Variants in SLC25A21 observed in about 807,000 individuals in gnomAD.
SLC25A21 encodes the protein mitochondrial 2-oxodicarboxylate carrier.
SLC25A21 carries 47 observed loss-of-function variants against 43.8 expected under a neutral mutation model. The ratio of observed to expected loss-of-function variants is 1.07; its 90% confidence interval spans 0.85 to 1.37. The LOEUF (loss-of-function observed/expected upper bound fraction) is 1.37, where lower values mean the gene tolerates loss of function less well. Ranked by LOEUF, SLC25A21 falls within the 40% of genes most tolerant of loss-of-function variation. The pLI, the probability that SLC25A21 is intolerant of heterozygous loss-of-function variation, is 0.00. For missense variants in SLC25A21, 352 were observed against 350.2 expected, an observed-to-expected ratio of 1.00 and a Z score of -0.04; for synonymous variants, 131 against 121.3, an observed-to-expected ratio of 1.08 and a Z score of -0.52.
At chr14:36,762,392 T>C (rs1304307499) in intron 3 of SLC25A21, among the ~76,000 whole-genome samples, 1 of 152,216 alleles carries the variant, frequency 6.6e-6, no homozygotes, top group Admixed American at 6.5e-5. Flanking sequence ...GTCACAGTGC[T>C]GCCTTCCACT....
intron 1 of SLC25A21, among the ~76,000 whole-genome samples, chr14:37,156,404 A>G (rs900754801): frequency 6.6e-6 from 1 of 152,110 alleles, no homozygotes; most frequent in African/African-American, 2.4e-5. Context: ...TGACAGGAAC[A>G]AAGCCTCACA....
At chr14:37,072,318 A>G (rs1160244753) in intron 1 of SLC25A21, among the ~76,000 whole-genome samples, 3 of 152,034 alleles carry the variant, frequency 2.0e-5, no homozygotes, top group Non-Finnish European at 4.4e-5. Flanking sequence ...TCTGATTTCC[A>G]CAGAGCCTCA....
chr14:36,962,470 TCTC>T (rs1430058645), intron 1 of SLC25A21, among the ~76,000 whole-genome samples: 2 of 152,100 alleles, frequency 1.3e-5, no homozygotes, highest in East Asian at 1.9e-4. Context: ...ATCTCCCCAG[TCTC>T]CTCATTTCCT....
At chr14:36,759,469 CA>C (rs1347426001) in intron 3 of SLC25A21, among the ~76,000 whole-genome samples, 1 of 152,184 alleles carries the variant, frequency 6.6e-6, no homozygotes, top group African/African-American at 2.4e-5. Context: ...CCTGATTTTA[CA>C]AACTATCCAG....
At chr14:36,982,930 T>C (rs1332217532) in intron 1 of SLC25A21, among the ~76,000 whole-genome samples, 1 of 152,218 alleles carries the variant, frequency 6.6e-6, no homozygotes, top group African/African-American at 2.4e-5. Flanking sequence ...TTGTCCTACT[T>C]TACTTTCCCA....
intron 1 of SLC25A21, among the ~76,000 whole-genome samples, chr14:36,995,576 C>T (rs1220775984): frequency 6.6e-6 from 1 of 152,124 alleles, no homozygotes; most frequent in Admixed American, 6.6e-5. Flanking sequence ...AACACAAAGC[C>T]CACCTACGAT....
intron 1 of SLC25A21, among the ~76,000 whole-genome samples, chr14:37,107,784 C>T (rs35897545): frequency 0.21 from 32,545 of 152,074 alleles, 3,865 homozygotes; most frequent in South Asian, 0.29. Flanking sequence ...TCTCCTATAC[C>T]TATTACATGT....
chr14:36,775,096 T>C lies in SLC25A21; in HGVS notation c.203+38822A>G, dbSNP rs137989052. Reference sequence around the variant, plus strand: ...TCATTCTTATCTTCATGAGATGGTATTCCCTTCACTCAATAGTTGCATATG... The same window carrying C: ...TCATTCTTATCTTCATGAGATGGTACTCCCTTCACTCAATAGTTGCATATG... On this transcript the variant is annotated intron_variant, in intron 3 of 9. Transcript: ENST00000331299. Among the ~76,000 whole-genome samples, 403 of 152,340 alleles carry C rather than the reference T, an allele frequency of 2.6e-3. 1 individual carries two copies. Among genetic ancestry groups the C allele is most frequent in the African/African-American group, 9.4e-3 (392 of 41,578 alleles).
At chr14:36,790,375 T>C (rs370629905) in intron 3 of SLC25A21, among the ~76,000 whole-genome samples, 1 of 152,074 alleles carries the variant, frequency 6.6e-6, no homozygotes, top group Non-Finnish European at 1.5e-5. Context: ...TTATCACTCA[T>C]TCTGCCTTCG....
intron 1 of SLC25A21, among the ~76,000 whole-genome samples, chr14:36,988,484 A>G (rs1405119762): frequency 2.0e-5 from 3 of 152,196 alleles, no homozygotes; most frequent in African/African-American, 7.2e-5. Flanking sequence ...GGGAGGGAAC[A>G]TCTGGGAATA....
chr14:37,012,189 GGCTACT>G (rs1296177591), intron 1 of SLC25A21, among the ~76,000 whole-genome samples: 7 of 152,128 alleles, frequency 4.6e-5, no homozygotes, highest in Middle Eastern at 3.4e-3. Flanking sequence ...TAAATCCAAA[GGCTACT>G]GTATATCACC....
chr14:36,687,664 G>A (rs1226381720), intron 7 of SLC25A21, among the ~76,000 whole-genome samples: 2 of 152,184 alleles, frequency 1.3e-5, no homozygotes, highest in Non-Finnish European at 1.5e-5. Context: ...GCCTGTGTGT[G>A]CGAGGACAAC....
rs370169660 is a variant in SLC25A21 at position 37,166,599 on chromosome 14, C to T, written c.70+5682G>A. 4.1e-4 allele frequency among the ~76,000 whole-genome samples: 62 copies of T among 152,230 alleles called. 1 individual carries two copies. The East Asian group carries it at 6.9e-3, about 17-fold the overall frequency. On this transcript the variant is annotated intron_variant, in intron 1 of 9. Coordinates refer to ENST00000331299, the MANE Select transcript of SLC25A21 (RefSeq NM_030631.4). ...CACATGTAAAGCTTAGAACTGGATC[C>T]GGCATTTAGTATTTACTCAATAAAT...
At chr14:37,149,529 T>C (rs1406340096) in intron 1 of SLC25A21, among the ~76,000 whole-genome samples, 1 of 152,008 alleles carries the variant, frequency 6.6e-6, no homozygotes, top group Non-Finnish European at 1.5e-5. Context: ...ACCCCATCTC[T>C]ACTAAAAATA....
intron 1 of SLC25A21, among the ~76,000 whole-genome samples, chr14:37,129,369 CT>C (rs1963354201): frequency 6.6e-6 from 1 of 152,138 alleles, no homozygotes; most frequent in South Asian, 2.1e-4. Flanking sequence ...CAACTGTTAT[CT>C]TGTGCAGTTC....
chr14:37,073,188 C>T (rs1962209189), intron 1 of SLC25A21, among the ~76,000 whole-genome samples: 1 of 152,196 alleles, frequency 6.6e-6, no homozygotes, highest in East Asian at 1.9e-4. Context: ...AAGCAACATC[C>T]TTATCTTCAA....
intron 1 of SLC25A21, among the ~76,000 whole-genome samples, chr14:37,087,983 T>C (rs977525023): frequency 1.3e-5 from 2 of 152,222 alleles, no homozygotes; most frequent in Admixed American, 6.5e-5. Flanking sequence ...CTTTGACATT[T>C]TCATGTGCAC....
intron 1 of SLC25A21, among the ~76,000 whole-genome samples, chr14:37,113,526 T>C (rs1425254133): frequency 6.6e-6 from 1 of 152,100 alleles, no homozygotes; most frequent in Non-Finnish European, 1.5e-5. Flanking sequence ...TTTTAGAAAA[T>C]ACCATATACA....
intron 1 of SLC25A21, among the ~76,000 whole-genome samples, chr14:37,002,049 C>T (rs1960501026): frequency 6.6e-6 from 1 of 152,074 alleles, no homozygotes. Context: ...TCATCATGCT[C>T]AAGGCACAGC....
Sources: gnomAD v4.1 joint callset for allele counts (sites outside exome capture counted in the v4.1 genomes callset) on GRCh38, gnomAD v4.1.1 for gene constraint, MANE v1.5 for transcripts, NCBI Gene and HGNC (gene_info 2026-07-23, HGNC 2026-07-21) for gene names.